The following BSN variants were observed in gnomAD, a reference collection of about 807,000 sequenced individuals.
BSN encodes the protein protein bassoon.
In BSN, 57 loss-of-function variants were observed where a neutral mutation model predicts 264.8. The ratio of observed to expected loss-of-function variants is 0.22; its 90% CI spans 0.17 to 0.27. BSN has a LOEUF of 0.27. Ranked by LOEUF, BSN falls within the 10% of genes least tolerant of loss-of-function variation. The pLI is 1.00. For missense variants in BSN, 4,615 were observed against 5,232.5 expected (o/e 0.88, Z 3.64); for synonymous variants, 2,059 against 2,137.3 (o/e 0.96, Z 1.01).
At chr3:49,632,825 G>T (rs2052391795) in intron 2 of BSN, among the ~76,000 whole-genome samples, 1 of 152,040 alleles carries the variant, frequency 6.6e-6, no homozygotes, top group Non-Finnish European at 1.5e-5. Flanking sequence ...GAGGAGTCAG[G>T]TGTGGTGATA....
At chr3:49,595,833 T>C (rs2052018636) in intron 1 of BSN, among the ~76,000 whole-genome samples, 1 of 152,178 alleles carries the variant, frequency 6.6e-6, no homozygotes, top group African/African-American at 2.4e-5. Context: ...TAATTTTACA[T>C]TTTTTTGGTA....
intron 1 of BSN, among the ~76,000 whole-genome samples, chr3:49,577,685 A>G (rs891026967): frequency 2.6e-5 from 4 of 151,758 alleles, no homozygotes; most frequent in Admixed American, 2.6e-4. Flanking sequence ...GATTACAGGC[A>G]TGCACCACCA....
chr3:49,599,681 T>A (rs1048792440), intron 1 of BSN, among the ~76,000 whole-genome samples: 2 of 152,202 alleles, frequency 1.3e-5, no homozygotes, highest in Admixed American at 1.3e-4. Flanking sequence ...AAATGATTGT[T>A]CATTATAATT....
At position 49,656,533 on chromosome 3, in the gene BSN, C is replaced by T; in HGVS notation, c.6977C>T (p.Pro2326Leu). ...GCCATCAAGGAGGCTGCAGGAGCCC[C>T]AGCTCCTGCCCCACTAGCTGGCCAG... is the stretch of plus-strand genomic sequence containing the variant. Reference protein sequence around the residue: ...PAAIKEAAGAPAPAPLAGQKP... With the variant: ...PAAIKEAAGALAPAPLAGQKP... The change falls in exon 5 of 12, where the codon CCA becomes CTA. Residue 2326 changes from proline (P) to leucine (L), a missense_variant. This residue lies in a region of BSN where 3,415 missense variants were observed against 3,866.4 expected (regional missense o/e 0.88). Transcript: ENST00000296452. 1 of 1,568,242 alleles carries T rather than the reference C, an allele frequency of 6.4e-7. No individual in the cohort carries two copies. Among genetic ancestry groups the T allele is most frequent in the Non-Finnish European group, 8.6e-7 (1 of 1,157,674 alleles).
At chr3:49,556,753 C>A (rs1031562378) in intron 1 of BSN, among the ~76,000 whole-genome samples, 1 of 152,228 alleles carries the variant, frequency 6.6e-6, no homozygotes, top group Non-Finnish European at 1.5e-5. Context: ...ATCTCAGATA[C>A]CTGATGCCAA....
At chr3:49,583,169 A>G (rs1328150931) in intron 1 of BSN, among the ~76,000 whole-genome samples, 3 of 151,838 alleles carry the variant, frequency 2.0e-5, no homozygotes, top group East Asian at 3.9e-4. Context: ...GGGTTTCACT[A>G]TATTGGCCAG....
chr3:49,657,832 A>T lies in BSN; in HGVS notation c.8276A>T (p.Glu2759Val). Residue 2759 changes from glutamate (E) to valine (V), a missense_variant, in exon 5 of 12, where the codon GAA becomes GTA. Glu to Val is a moderately radical substitution (Grantham distance 121). Coordinates refer to ENST00000296452, the MANE Select transcript of BSN (RefSeq NM_003458.4). ...ACCCCAGGGCCTCTGGGCAGATTTG[A>T]AAAAAAGAAGCCAGATCCCCTGGAG... ...IVTPGPLGRF[E>V]KKKPDPLEIG... 1 of 1,607,192 alleles carries T rather than the reference A, an allele frequency of 6.2e-7. No homozygotes were observed. The highest frequency in any genetic ancestry group is 8.5e-7 in the Non-Finnish European group (1 of 1,177,020).
At chr3:49,564,029 T>C (rs567360181) in intron 1 of BSN, among the ~76,000 whole-genome samples, 57 of 152,300 alleles carry the variant, frequency 3.7e-4, no homozygotes, top group Middle Eastern at 6.8e-3. Flanking sequence ...ACTTCCTCAA[T>C]CCTGATTTTC....
intron 2 of BSN, among the ~76,000 whole-genome samples, chr3:49,635,556 A>G (rs2052414802): frequency 6.6e-6 from 1 of 152,196 alleles, no homozygotes; most frequent in Admixed American, 6.5e-5. Context: ...AGGAACACCC[A>G]CAAAGCCACT....
rs759806020 is a variant in BSN, at chr3:49,656,921, C to CCAGCAGCTGCAG, written c.7386_7397dup (p.Gln2463_Leu2466dup). On this transcript the variant is annotated inframe_insertion, in exon 5 of 12. Transcript: ENST00000296452. ...AGCAGCGTCTGCAGCTGGAGCAGAT[C>CCAGCAGCTGCAG]CAGCAGCTGCAGCAGCAGCTGCAGC... 35 of 1,598,514 alleles carry CCAGCAGCTGCAG rather than the reference C, an allele frequency of 2.2e-5. No homozygotes were observed. The highest frequency in any genetic ancestry group is 8.9e-5 in the South Asian group (8 of 89,808).
intron 1 of BSN, among the ~76,000 whole-genome samples, chr3:49,610,496 A>G (rs1007892488): frequency 7.2e-6 from 1 of 138,996 alleles, no homozygotes; most frequent in African/African-American, 2.6e-5. Flanking sequence ...AGTCAGGAGA[A>G]TTGCTTGAAC....
chr3:49,634,726 TAGAC>T (rs1256477067), intron 2 of BSN, among the ~76,000 whole-genome samples: 5 of 152,168 alleles, frequency 3.3e-5, no homozygotes, highest in Non-Finnish European at 7.3e-5. Context: ...CCTCTGGAAA[TAGAC>T]AGAGGTGATG....
At chr3:49,557,033 G>A in intron 1 of BSN, among the ~76,000 whole-genome samples, 1 of 152,194 alleles carries the variant, frequency 6.6e-6, no homozygotes. Flanking sequence ...ATACTGAGCT[G>A]AGTTGGACTC....
chr3:49,626,721 T>G (rs1350158116), intron 2 of BSN, among the ~76,000 whole-genome samples: 1 of 152,234 alleles, frequency 6.6e-6, no homozygotes, highest in Non-Finnish European at 1.5e-5. Flanking sequence ...GCAGGTGGAC[T>G]GTACCGCTAT....
chr3:49,603,114 GGGCCCCTCAAGTCATGCCCCTCCACTGCT>G (rs368354415), intron 1 of BSN, among the ~76,000 whole-genome samples: 2,764 of 152,306 alleles, frequency 0.018, 94 homozygotes, highest in African/African-American at 0.064. Flanking sequence ...GGCCAGGGCT[GGGCCCCTCAAGTCATGCCCCTCCACTGCT>G]GGCCCCTCAA....
intron 1 of BSN, among the ~76,000 whole-genome samples, chr3:49,606,181 A>ATATATTATATATACATATATTATATATG (rs1559603522): frequency 0.15 from 1,033 of 6,734 alleles, 224 homozygotes; most frequent in East Asian, 0.36. Flanking sequence ...TTATATATGT[A>ATATATTATATATACATATATTATATATG]TATATATTAT....
chr3:49,574,325 A>G (rs905208326), intron 1 of BSN, among the ~76,000 whole-genome samples: 1 of 152,224 alleles, frequency 6.6e-6, no homozygotes, highest in Admixed American at 6.5e-5. Flanking sequence ...TCTCTTTCCC[A>G]GGAGTCATCA....
intron 1 of BSN, among the ~76,000 whole-genome samples, chr3:49,556,523 A>C (rs987235025): frequency 6.6e-6 from 1 of 152,218 alleles, no homozygotes; most frequent in Non-Finnish European, 1.5e-5. Context: ...GCTGTGGGCA[A>C]GGCTCATACC....
At chr3:49,592,769 T>G (rs893877367) in intron 1 of BSN, among the ~76,000 whole-genome samples, 1 of 151,056 alleles carries the variant, frequency 6.6e-6, no homozygotes, top group Non-Finnish European at 1.5e-5. Context: ...AAAAAAGAAA[T>G]AATACAGAGA....
Sources: gnomAD v4.1 joint callset for allele counts (sites outside exome capture counted in the v4.1 genomes callset) on GRCh38, gnomAD v4.1.1 for gene constraint, gnomAD v4.1.1 regional missense constraint, MANE v1.5 for transcripts, NCBI Gene and HGNC (gene_info 2026-07-23, HGNC 2026-07-21) for gene names.